Variants in EIF2AK1 observed in about 807,000 individuals in gnomAD.
The protein encoded by EIF2AK1 is eukaryotic translation initiation factor 2 alpha kinase 1, also known as eukaryotic translation initiation factor 2-alpha kinase 1.
Under a neutral mutation model 77.9 loss-of-function variants are expected in EIF2AK1, and 54 were observed. The observed-to-expected ratio is 0.69, with a 90% CI of 0.56 to 0.87. EIF2AK1 has a LOEUF of 0.87. Ranked by LOEUF, EIF2AK1 falls within the 40% of genes least tolerant of loss-of-function variation. The probability of loss-of-function intolerance (pLI) is 0.00; values close to 1 mark genes in which losing one functional copy is unlikely to be tolerated. For synonymous variants in EIF2AK1, 314 were observed against 290.5 expected (o/e 1.08, Z -0.82); for missense variants, 810 against 768.6 (o/e 1.05, Z -0.64).
chr7:6,023,697 C>G lies in EIF2AK1; in HGVS notation c.*976G>C. ...CCCTCAAGCTCCTTAAGTGAATTGC[C>G]GTAACTGATTTTAAAGGGTTTAGAT... On this transcript the variant is annotated 3_prime_UTR_variant, in exon 15 of 15. Transcript: ENST00000199389. The G allele has an allele frequency of 1.9e-6, 3 of 1,613,930 alleles. No homozygotes were observed. The highest frequency in any genetic ancestry group is 4.5e-5 in the East Asian group (2 of 44,872).
intron 1 of EIF2AK1, chr7:6,058,020 G>A (rs771863471): frequency 7.8e-6 from 3 of 383,868 alleles, no homozygotes; most frequent in Non-Finnish European, 1.5e-5. Flanking sequence ...CAAAATTGTG[G>A]ACTCTTTCAC....
In EIF2AK1 at chr7:6,033,652, ACCATTCTCCTGGGTTCACG is replaced by A. The variant is rs1369622102; in HGVS notation, c.1332+3753_1332+3771del. Among the ~76,000 whole-genome samples, 3 of 151,902 alleles carry A rather than the reference ACCATTCTCCTGGGTTCACG, an allele frequency of 2.0e-5. No homozygotes were observed. The highest frequency in any genetic ancestry group is 7.2e-5 in the African/African-American group (3 of 41,382). On this transcript the variant is annotated intron_variant, in intron 11 of 14. Transcript: ENST00000199389. The surrounding 1 kb of genome is among the most constrained non-coding windows in gnomAD (Gnocchi z 4.4). ...GTCGCCCAGGCTGGAGTGCAGTGGC[ACCATTCTCCTGGGTTCACG>A]CCATTCTCCTGCCTCAGCCTCCCAA...
In EIF2AK1 at chr7:6,035,941, T is replaced by G; in HGVS notation, c.1332+1483A>C. 6.5e-7 allele frequency: 1 copy of G among 1,547,848 alleles called. No homozygotes were observed. Reference sequence around the variant, plus strand: ...CTGCTACTCACTCACGGAGCCAAAGTCAACGCCCAGGACTACAAGGGCCAA... The same window carrying G: ...CTGCTACTCACTCACGGAGCCAAAGGCAACGCCCAGGACTACAAGGGCCAA... On this transcript the variant is annotated intron_variant, in intron 11 of 14. Coordinates refer to ENST00000199389, the MANE Select transcript of EIF2AK1 (RefSeq NM_014413.4). This position sits in a 1 kb window ranked among gnomAD's most constrained non-coding sequence, Gnocchi z 5.5.
chr7:6,029,453 A>G (rs1178142518), intron 11 of EIF2AK1, among the ~76,000 whole-genome samples: 3 of 151,948 alleles, frequency 2.0e-5, no homozygotes, highest in African/African-American at 7.3e-5. Context: ...AGATTGTGGC[A>G]TTGCACTCCA....
rs1307909826 is a variant in EIF2AK1, at chr7:6,041,209, C to T, written c.802G>A (p.Gly268Ser). The T allele has an allele frequency of 1.3e-6, 2 of 1,582,036 alleles. No individual in the cohort carries two copies. Among genetic ancestry groups the T allele is most frequent in the East Asian group, 2.3e-5 (1 of 44,258 alleles). ...CTGCTACTTTCATCATTTTTAACAC[C>T]ACATTGCTCTCTGAAAAAAAAAAAA... ...SDQEEDREQC[G>S]VKNDESSSSS... Residue 268 changes from glycine (G) to serine (S), a missense_variant, in exon 9 of 15, where the codon GGT (glycine) becomes AGT (serine). Transcript: ENST00000199389.
In EIF2AK1 at chr7:6,023,554, G is replaced by A. The variant is rs147246097; in HGVS notation, c.*1119C>T. The A allele has an allele frequency of 2.3e-4, 378 of 1,614,118 alleles. No homozygotes were observed. Among genetic ancestry groups the A allele is most frequent in the Non-Finnish European group, 2.0e-4 (232 of 1,180,046 alleles). ...TTGGCTCGCTGGGAATGAACTCACC[G>A]TAGCAGACGTGGTGCTGTGGTCTGT... On this transcript the variant is annotated 3_prime_UTR_variant, in exon 15 of 15. Transcript: ENST00000199389.
In EIF2AK1 at chr7:6,026,761, C is replaced by A. The variant is rs771039892; in HGVS notation, c.1731G>T (p.Leu577=). The change falls in exon 14 of 15, where the codon CTG becomes CTT. Residue 577 remains leucine (L), a synonymous_variant. Coordinates refer to ENST00000199389, the MANE Select transcript of EIF2AK1 (RefSeq NM_014413.4). ...NSSQRPSAIQ[L]LQSELFQNSG... Reference sequence around the variant, plus strand: ...AATTTTGGAAAAGTTCACTCTGCAGCAGCTGAATGGCAGATGGTCTCTGCG... The same window carrying A: ...AATTTTGGAAAAGTTCACTCTGCAGAAGCTGAATGGCAGATGGTCTCTGCG... 5 of 1,614,204 alleles carry A rather than the reference C, an allele frequency of 3.1e-6. No individual in the cohort carries two copies. Among genetic ancestry groups the A allele is most frequent in the Non-Finnish European group, 4.2e-6 (5 of 1,180,020 alleles).
rs1418846352 is a variant in EIF2AK1 at position 6,054,532 on chromosome 7, T to A, written c.277+14A>T. ...ACAAGCTTTATTTAGCAAGATTCAT[T>A]TATTCTTACTTACGCTTAAACACCT... On this transcript the variant is annotated intron_variant, in intron 2 of 14. Coordinates refer to ENST00000199389, the MANE Select transcript of EIF2AK1 (RefSeq NM_014413.4). 1.9e-6 allele frequency: 3 copies of A among 1,613,388 alleles called. No homozygotes were observed. The highest frequency in any genetic ancestry group is 2.5e-6 in the Non-Finnish European group (3 of 1,179,542).
chr7:6,056,175 C>T (rs1788753339), intron 1 of EIF2AK1, among the ~76,000 whole-genome samples: 1 of 149,304 alleles, frequency 6.7e-6, no homozygotes, highest in South Asian at 2.1e-4. Context: ...CACCTGTGAT[C>T]CCAGCTACTC....
At chr7:6,038,731 A>G in intron 9 of EIF2AK1, 60 bp from the exon 10 acceptor site, 7 of 1,435,844 alleles carry the variant, frequency 4.9e-6, no homozygotes, top group African/African-American at 1.4e-5. Flanking sequence ...TTATTCATTT[A>G]GCCAACAAAT....
At chr7:6,053,999 A>G (rs990114183) in intron 2 of EIF2AK1, among the ~76,000 whole-genome samples, 1 of 151,456 alleles carries the variant, frequency 6.6e-6, no homozygotes, top group Admixed American at 6.6e-5. Flanking sequence ...TTAAATGTAC[A>G]ATAAATTATT....
chr7:6,052,138 C>T (rs1276051015), intron 2 of EIF2AK1, among the ~76,000 whole-genome samples: 1 of 144,282 alleles, frequency 6.9e-6, no homozygotes, highest in Admixed American at 7.2e-5. Context: ...CACTACCGCA[C>T]TCCAGCCTGG....
chr7:6,038,931 G>A (rs1045388147), intron 9 of EIF2AK1, among the ~76,000 whole-genome samples: 2 of 152,210 alleles, frequency 1.3e-5, no homozygotes, highest in Non-Finnish European at 2.9e-5. Context: ...CAGAAGGGGG[G>A]CCAGGCTGAA....
At chr7:6,048,907 C>T in intron 3 of EIF2AK1, 63 bp from the exon 4 acceptor site, 1 of 1,181,314 alleles carries the variant, frequency 8.5e-7, no homozygotes, top group South Asian at 1.4e-5. Flanking sequence ...AAGAACCTAT[C>T]AAAATTCAAT....
rs1366405083 is a variant in EIF2AK1 at position 6,035,626 on chromosome 7, G to T, written c.1332+1798C>A. Reference sequence around the variant, plus strand: ...CAAGTGAACACTCAAGGGGAAATCAGCAACAAACGTTCACCACTCCACCTG... The same window carrying T: ...CAAGTGAACACTCAAGGGGAAATCATCAACAAACGTTCACCACTCCACCTG... On this transcript the variant is annotated intron_variant, in intron 11 of 14. Transcript: ENST00000199389. This position sits in a 1 kb window ranked among gnomAD's most constrained non-coding sequence, Gnocchi z 5.5. 3.2e-6 allele frequency: 5 copies of T among 1,550,630 alleles called. No individual in the cohort carries two copies. The East Asian group carries it at 1.2e-4, about 38-fold the overall frequency.
chr7:6,029,885 A>G (rs1787855382), intron 11 of EIF2AK1, among the ~76,000 whole-genome samples: 1 of 151,940 alleles, frequency 6.6e-6, no homozygotes, highest in African/African-American at 2.4e-5. Flanking sequence ...CGGGAGGCTG[A>G]GGCAGAATTG....
At chr7:6,049,707 G>GC in intron 3 of EIF2AK1, 1 of 458,286 alleles carries the variant, frequency 2.2e-6, no homozygotes, top group Non-Finnish European at 3.8e-6. Flanking sequence ...GCTCACTGCA[G>GC]CCTTGAACTC....
chr7:6,039,610 G>C (rs1321504913), intron 9 of EIF2AK1, among the ~76,000 whole-genome samples: 1 of 103,812 alleles, frequency 9.6e-6, no homozygotes, highest in African/African-American at 4.1e-5. Flanking sequence ...GACAGAGCAA[G>C]ACTCCATCTC....
chr7:6,055,481 G>A (rs141134090), intron 1 of EIF2AK1, among the ~76,000 whole-genome samples: 1 of 151,836 alleles, frequency 6.6e-6, no homozygotes, highest in East Asian at 1.9e-4. Context: ...TATAAGGTAA[G>A]TGTTCATCCT....
Sources: gnomAD v4.1 joint callset for allele counts (sites outside exome capture counted in the v4.1 genomes callset) on GRCh38, gnomAD v4.1.1 for gene constraint, Gnocchi (gnomAD v3.1) non-coding constraint, MANE v1.5 for transcripts, NCBI Gene and HGNC (gene_info 2026-07-23, HGNC 2026-07-21) for gene names.